The following SMYD3 variants were observed in gnomAD, a reference collection of about 807,000 sequenced individuals.
The protein encoded by SMYD3 is SET and MYND domain containing 3.
A neutral mutation model predicts 57.7 loss-of-function variants in SMYD3; 36 were observed. That is an observed-to-expected ratio of 0.62 (90% confidence interval 0.48 to 0.82). The LOEUF is 0.82. Ranked by LOEUF, SMYD3 falls within the 40% of genes least tolerant of loss-of-function variation. SMYD3 has a pLI of 0.00. For missense variants in SMYD3, 515 were observed against 538.8 expected (o/e 0.96, Z 0.44); for synonymous variants, 211 against 195.0 (o/e 1.08, Z -0.68).
intron 5 of SMYD3, among the ~76,000 whole-genome samples, chr1:246,259,482 T>C (rs949379360): frequency 6.6e-6 from 1 of 152,220 alleles, no homozygotes; most frequent in Non-Finnish European, 1.5e-5. Context: ...GGGTAAGATC[T>C]ATTTGTTTTG....
At chr1:246,127,908 A>G (rs574841711) in intron 5 of SMYD3, among the ~76,000 whole-genome samples, 2 of 152,102 alleles carry the variant, frequency 1.3e-5, no homozygotes, top group Admixed American at 6.6e-5. Flanking sequence ...AAAGAAAAGA[A>G]AAGAAAAGAA....
chr1:245,840,760 A>C (rs1451888518), intron 10 of SMYD3, among the ~76,000 whole-genome samples: 1 of 152,202 alleles, frequency 6.6e-6, no homozygotes, highest in Non-Finnish European at 1.5e-5. Context: ...TAAAAAAAAA[A>C]AACAAAGTTG....
intron 10 of SMYD3, among the ~76,000 whole-genome samples, chr1:245,770,942 T>C (rs952657906): frequency 1.3e-5 from 2 of 152,086 alleles, no homozygotes; most frequent in Non-Finnish European, 2.9e-5. Flanking sequence ...CCATCAAAGA[T>C]ACAGAGACAA....
chr1:245,753,525 A>T (rs189645686), intron 11 of SMYD3, among the ~76,000 whole-genome samples: 27 of 152,308 alleles, frequency 1.8e-4, no homozygotes, highest in Non-Finnish European at 3.5e-4. Flanking sequence ...CCTTGTCTTG[A>T]ACATCACCTG....
chr1:246,156,699 T>C (rs1364926444), intron 5 of SMYD3, among the ~76,000 whole-genome samples: 1 of 152,166 alleles, frequency 6.6e-6, no homozygotes, highest in South Asian at 2.1e-4. Flanking sequence ...TTTCCTAAAA[T>C]ATCTACAAGG....
intron 1 of SMYD3, among the ~76,000 whole-genome samples, chr1:246,357,511 A>G (rs1334851236): frequency 6.6e-6 from 1 of 152,214 alleles, no homozygotes; most frequent in Non-Finnish European, 1.5e-5. Flanking sequence ...GGGCTGCTCT[A>G]TGGAGTAGCC....
intron 5 of SMYD3, among the ~76,000 whole-genome samples, chr1:246,180,906 G>A (rs888780901): frequency 2.0e-5 from 3 of 151,380 alleles, no homozygotes; most frequent in African/African-American, 7.3e-5. Context: ...AGAAAGAGGC[G>A]TAAGGAGCCA....
At chr1:245,924,668 T>G (rs1331365948) in intron 7 of SMYD3, among the ~76,000 whole-genome samples, 1 of 149,966 alleles carries the variant, frequency 6.7e-6, no homozygotes, top group East Asian at 2.0e-4. Flanking sequence ...TTTTTTTTTT[T>G]TTTTTTTTTT....
At chr1:246,094,727 A>G (rs1371336816) in intron 5 of SMYD3, among the ~76,000 whole-genome samples, 1 of 152,206 alleles carries the variant, frequency 6.6e-6, no homozygotes, top group African/African-American at 2.4e-5. Context: ...TTTTAAAGTG[A>G]CATATCACAT....
At chr1:246,230,081 C>A (rs1238410587) in intron 5 of SMYD3, among the ~76,000 whole-genome samples, 1 of 152,146 alleles carries the variant, frequency 6.6e-6, no homozygotes, top group African/African-American at 2.4e-5. Context: ...TATTTAAATG[C>A]TACTCTAATG....
intron 5 of SMYD3, among the ~76,000 whole-genome samples, chr1:245,946,505 C>T (rs1367209090): frequency 6.6e-6 from 1 of 152,210 alleles, no homozygotes; most frequent in African/African-American, 2.4e-5. Flanking sequence ...CACAAAGAAG[C>T]TATGAGTACA....
At position 245,828,809 on chromosome 1, in the gene SMYD3, T is replaced by A. The variant is rs542385259; in HGVS notation, c.1076+29687A>T. On this transcript the variant is annotated intron_variant, in intron 10 of 11. Coordinates refer to ENST00000490107, the MANE Select transcript of SMYD3 (RefSeq NM_001167740.2). Reference sequence around the variant, plus strand: ...CCTCCGCTTCCCGGGTTCAAGCATTTCTTGTGCCTCAGCCTCCCAAGTAAC... The same window carrying A: ...CCTCCGCTTCCCGGGTTCAAGCATTACTTGTGCCTCAGCCTCCCAAGTAAC... Among the ~76,000 whole-genome samples, 34 of 152,160 alleles carry A rather than the reference T, an allele frequency of 2.2e-4. No homozygotes were observed. In the South Asian group the frequency reaches 6.2e-3, roughly 28 times the overall value.
chr1:246,405,792 C>T (rs1007602676), intron 1 of SMYD3, among the ~76,000 whole-genome samples: 2 of 151,912 alleles, frequency 1.3e-5, no homozygotes, highest in Admixed American at 1.3e-4. Flanking sequence ...CGCCTGTAGT[C>T]CCAGCTACCC....
rs148414234 is a variant in SMYD3 at position 246,206,731 on chromosome 1, C to CAATAA, written c.531+120469_531+120470insTTATT. 7.2e-3 allele frequency among the ~76,000 whole-genome samples: 1,089 copies of CAATAA among 152,270 alleles called. 17 individuals are homozygous for CAATAA. The highest frequency in any genetic ancestry group is 0.024 in the African/African-American group (1,000 of 41,528). The stretch of plus-strand genomic sequence containing the variant: ...TCATTCTAACCAATAAATAACTAGT[C>CAATAA]ATACTGTGGCTAAGAGAGCACTTTA... On this transcript the variant is annotated intron_variant, in intron 5 of 11. Coordinates refer to ENST00000490107, the MANE Select transcript of SMYD3 (RefSeq NM_001167740.2).
intron 5 of SMYD3, among the ~76,000 whole-genome samples, chr1:246,157,885 A>G (rs1262376770): frequency 1.3e-5 from 2 of 152,212 alleles, no homozygotes; most frequent in African/African-American, 2.4e-5. Flanking sequence ...TGAGCTTCAT[A>G]AAGAAGTATG....
At chr1:245,951,985 C>A (rs6685357) in intron 5 of SMYD3, among the ~76,000 whole-genome samples, 130,581 of 152,142 alleles carry the variant, frequency 0.86, 57,054 homozygotes, top group Non-Finnish European at 0.93. Context: ...CAAACAACTG[C>A]ATTTGCATAT....
intron 10 of SMYD3, among the ~76,000 whole-genome samples, chr1:245,812,727 G>A (rs1211999137): frequency 3.7e-5 from 5 of 133,398 alleles, no homozygotes; most frequent in Admixed American, 7.9e-5. Context: ...GAGAAAGAGC[G>A]AGCGAGAGAG....
chr1:245,775,520 C>T (rs561181310), intron 10 of SMYD3, among the ~76,000 whole-genome samples: 7 of 150,676 alleles, frequency 4.6e-5, no homozygotes, highest in South Asian at 2.1e-4. Context: ...GCAGCAGGCT[C>T]GTTAAGAGTC....
intron 8 of SMYD3, among the ~76,000 whole-genome samples, chr1:245,882,314 G>A (rs1200565282): frequency 2.0e-5 from 3 of 152,120 alleles, no homozygotes; most frequent in African/African-American, 7.2e-5. Context: ...AACTGTGGTT[G>A]CCACCAACAG....
Sources: gnomAD v4.1 joint callset for allele counts (sites outside exome capture counted in the v4.1 genomes callset) on GRCh38, gnomAD v4.1.1 for gene constraint, MANE v1.5 for transcripts, NCBI Gene and HGNC (gene_info 2026-07-23, HGNC 2026-07-21) for gene names.